KDSR: variants seen among roughly 807,000 people sequenced by gnomAD.
KDSR encodes the protein 3-ketodihydrosphingosine reductase, also known as 3-dehydrosphinganine reductase.
Under a neutral mutation model 41.3 loss-of-function variants are expected in KDSR, and 23 were observed. That is an observed-to-expected ratio of 0.56 (90% confidence interval 0.40 to 0.79). The LOEUF (loss-of-function observed/expected upper bound fraction) is 0.79. Ranked by LOEUF, KDSR falls within the 30% of genes least tolerant of loss-of-function variation. The probability of loss-of-function intolerance (pLI) is 0.00; values close to 1 mark genes in which losing one functional copy is unlikely to be tolerated. For missense variants in KDSR, 351 were observed against 416.8 expected (o/e 0.84, Z 1.37); for synonymous variants, 138 against 151.7 (o/e 0.91, Z 0.66).
intron 2 of KDSR, among the ~76,000 whole-genome samples, chr18:63,361,699 C>G (rs1425073191): frequency 6.6e-6 from 1 of 152,008 alleles, no homozygotes; most frequent in Non-Finnish European, 1.5e-5. Flanking sequence ...CCTGTAGTCC[C>G]AGCTACTCAG....
rs1491512780 is a variant in KDSR at position 63,331,264 on chromosome 18, GAA to G, written c.*516_*517del. The G allele has an allele frequency of 9.8e-5, 18 of 183,422 alleles. No individual in the cohort carries two copies. The highest frequency in any genetic ancestry group is 2.6e-4 in the South Asian group (1 of 3,802). The allele number at this position is 183,422 out of a possible 1,614,324, so 11.4% of individuals were successfully genotyped here. ...ATCTTGAATAAAATACACAAAGAAAGAAAGAGAGAGAGAGAGAGAGACAGAGA... is the reference window on the plus strand; with the variant it reads ...ATCTTGAATAAAATACACAAAGAAAGAGAGAGAGAGAGAGAGAGACAGAGA... On this transcript the variant is annotated 3_prime_UTR_variant, in exon 10 of 10. Transcript: ENST00000645214.
intron 7 of KDSR, among the ~76,000 whole-genome samples, chr18:63,339,945 C>T (rs1366227947): frequency 6.6e-6 from 1 of 152,158 alleles, no homozygotes; most frequent in Non-Finnish European, 1.5e-5. Flanking sequence ...TAAAGTATTT[C>T]ATAAAGATCA....
chr18:63,360,992 T>TA (rs377005462), intron 2 of KDSR, among the ~76,000 whole-genome samples: 1,749 of 113,406 alleles, frequency 0.015, 138 homozygotes, highest in African/African-American at 0.065. Flanking sequence ...CTGTCTCTAC[T>TA]AAAAAAAAAA....
At chr18:63,359,627 A>G (rs1568283352) in intron 3 of KDSR, 109 bp downstream of exon 3, 5 of 729,842 alleles carry the variant, frequency 6.9e-6, no homozygotes, top group Non-Finnish European at 1.2e-5. Context: ...TTTAAAAAAC[A>G]GTACATATAT....
intron 6 of KDSR, among the ~76,000 whole-genome samples, chr18:63,349,499 T>C (rs367995324): frequency 6.6e-6 from 1 of 152,262 alleles, no homozygotes; most frequent in Non-Finnish European, 1.5e-5. Flanking sequence ...CAGACATCAG[T>C]GTCCTATTGG....
rs1168836718 is a variant in KDSR, at chr18:63,327,890, TAG to T, written c.*3890_*3891del. The T allele has an allele frequency of 1.0e-5, 2 of 199,034 alleles. No individual in the cohort carries two copies. The highest frequency in any genetic ancestry group is 7.8e-5 in the East Asian group (1 of 12,862). 12.3% of individuals were successfully genotyped at this position (199,034 alleles called of 1,614,324 possible). A position where few individuals can be genotyped will look rare whatever the true frequency, so the allele number is the denominator to read the frequency against. ...GCGCTTTTATCAGTTAAAAAGTCTT[TAG>T]AGTTATCACATCAAGCAAGTGTAAA... On this transcript the variant is annotated 3_prime_UTR_variant, in exon 10 of 10. Coordinates refer to ENST00000645214, the MANE Select transcript of KDSR (RefSeq NM_002035.4).
intron 5 of KDSR, among the ~76,000 whole-genome samples, chr18:63,352,254 G>A (rs767791850): frequency 6.6e-6 from 1 of 152,070 alleles, no homozygotes; most frequent in Non-Finnish European, 1.5e-5. Context: ...ATTATGAACA[G>A]AACATGAACA....
chr18:63,336,639 C>T (rs972005470), intron 8 of KDSR, among the ~76,000 whole-genome samples: 7 of 152,088 alleles, frequency 4.6e-5, no homozygotes, highest in African/African-American at 1.2e-4. Context: ...CATAATGTTA[C>T]GAAATCATGA....
At chr18:63,363,219 C>CTTTTTTTTTTTT (rs1185123481) in intron 1 of KDSR, among the ~76,000 whole-genome samples, 42 of 111,324 alleles carry the variant, frequency 3.8e-4, no homozygotes, top group East Asian at 1.0e-3. Context: ...TTTTTTTTTT[C>CTTTTTTTTTTTT]TTTTTTTTTT....
intron 9 of KDSR, 27 bp from the exon 10 acceptor site, chr18:63,331,928 T>G: frequency 1.9e-6 from 3 of 1,611,418 alleles, no homozygotes; most frequent in Non-Finnish European, 2.5e-6. Context: ...GAGCTTTTAG[T>G]GCATCCAACG....
chr18:63,362,815 T>A lies in KDSR; in HGVS notation c.162A>T (p.Lys54Asn). ...CAACCAGAGTTATAAAAGCTCCTTGTTTATAGCACTCGATAGCAATGCACT... is the reference window on the plus strand; with the variant it reads ...CAACCAGAGTTATAAAAGCTCCTTGATTATAGCACTCGATAGCAATGCACT... ...IGKCIAIECY[K>N]QGAFITLVAR... The change falls in exon 2 of 10, where the codon AAA becomes AAT. Residue 54 changes from lysine to asparagine, a missense_variant. Physicochemically the swap from Lys to Asn is moderately conservative, Grantham distance 94 (BLOSUM62 0). Coordinates refer to ENST00000645214, the MANE Select transcript of KDSR (RefSeq NM_002035.4). 3 of 1,613,844 alleles carry A rather than the reference T, an allele frequency of 1.9e-6. No individual in the cohort carries two copies. Among genetic ancestry groups the A allele is most frequent in the Non-Finnish European group, 2.5e-6 (3 of 1,179,758 alleles).
intron 5 of KDSR, among the ~76,000 whole-genome samples, chr18:63,352,266 A>C (rs1374623680): frequency 1.3e-5 from 2 of 152,206 alleles, no homozygotes; most frequent in African/African-American, 2.4e-5. Flanking sequence ...ACATGAACAT[A>C]CAATCATAAT....
chr18:63,351,653 C>T (rs1914664708), intron 5 of KDSR, among the ~76,000 whole-genome samples: 1 of 152,250 alleles, frequency 6.6e-6, no homozygotes, highest in Non-Finnish European at 1.5e-5. Context: ...AGAGAAAACA[C>T]AAGCGCTAGC....
intron 1 of KDSR, among the ~76,000 whole-genome samples, chr18:63,363,219 C>CTTTTTTTTTTTTTTT (rs1185123481): frequency 9.0e-6 from 1 of 111,458 alleles, no homozygotes; most frequent in African/African-American, 3.3e-5. Context: ...TTTTTTTTTT[C>CTTTTTTTTTTTTTTT]TTTTTTTTTT....
intron 5 of KDSR, 72 bp downstream of exon 5, chr18:63,355,132 T>TA: frequency 2.0e-6 from 2 of 1,014,512 alleles, no homozygotes; most frequent in Non-Finnish European, 3.1e-6. Context: ...AATTGATTCT[T>TA]AAAGCTTTTA....
At chr18:63,342,965 A>G (rs1162801378) in intron 7 of KDSR, among the ~76,000 whole-genome samples, 1 of 152,036 alleles carries the variant, frequency 6.6e-6, no homozygotes, top group Non-Finnish European at 1.5e-5. Flanking sequence ...TGGTTGTTTA[A>G]AAGTGTGTGG....
chr18:63,345,166 G>A (rs989774105), intron 6 of KDSR: 1 of 152,454 alleles, frequency 6.6e-6, no homozygotes. Context: ...GACCAGCCAA[G>A]TACCTCCCCT....
At chr18:63,340,604 T>G (rs1914317373) in intron 7 of KDSR, among the ~76,000 whole-genome samples, 1 of 152,260 alleles carries the variant, frequency 6.6e-6, no homozygotes, top group East Asian at 1.9e-4. Flanking sequence ...AAAGGGAATA[T>G]TCCATTGAAA....
intron 5 of KDSR, among the ~76,000 whole-genome samples, chr18:63,352,888 C>T (rs986705423): frequency 3.3e-5 from 5 of 151,342 alleles, no homozygotes; most frequent in Admixed American, 2.0e-4. Flanking sequence ...TGTTCTAAGC[C>T]GGGCACGGTG....
Sources: gnomAD v4.1 joint callset for allele counts (sites outside exome capture counted in the v4.1 genomes callset) on GRCh38, gnomAD v4.1.1 for gene constraint, MANE v1.5 for transcripts, NCBI Gene and HGNC (gene_info 2026-07-23, HGNC 2026-07-21) for gene names.